Variants in BIRC6 observed in about 807,000 individuals in gnomAD.
BIRC6 encodes the protein baculoviral IAP repeat containing 6, also known as dual E2 ubiquitin-conjugating enzyme/E3 ubiquitin-protein ligase BIRC6.
In BIRC6, 98 loss-of-function variants were observed where a neutral mutation model predicts 503.3. The observed-to-expected ratio is 0.19, with a 90% CI of 0.17 to 0.23. BIRC6 has a LOEUF of 0.23. BIRC6 is among the 10% of genes least tolerant of loss of function. The probability of loss-of-function intolerance (pLI) is 1.00; values close to 1 mark genes in which losing one functional copy is unlikely to be tolerated. For missense variants in BIRC6, 5,360 were observed against 5,806.0 expected (o/e 0.92, Z 2.50); for synonymous variants, 2,240 against 2,078.7 (o/e 1.08, Z -2.11).
rs757194047 is a variant in BIRC6 at position 32,436,078 on chromosome 2, G to A, written c.3525G>A (p.Glu1175=). Residue 1175 remains glutamate (E), a synonymous_variant, in exon 15 of 74, where the codon GAG becomes GAA. Coordinates refer to ENST00000421745, the MANE Select transcript of BIRC6 (RefSeq NM_016252.4). ...GTCTTAGATTATGTCCATTTTTGGA[G>A]GATCATAAAGAAGACATTCTATGTG... is the stretch of plus-strand genomic sequence containing the variant. The part of the protein sequence containing the change: ...SQCLRLCPFL[E]DHKEDILCGP... The A allele has an allele frequency of 1.5e-5, 22 of 1,437,510 alleles. No homozygotes were observed. Among genetic ancestry groups the A allele is most frequent in the Non-Finnish European group, 1.9e-5 (20 of 1,078,370 alleles). 89.0% of individuals were successfully genotyped at this position (1,437,510 alleles called of 1,614,324 possible). A position where few individuals can be genotyped will look rare whatever the true frequency, so the allele number is the denominator to read the frequency against.
chr2:32,476,631 A>G (rs1386958359), intron 34 of BIRC6, among the ~76,000 whole-genome samples: 1 of 152,170 alleles, frequency 6.6e-6, no homozygotes, highest in Non-Finnish European at 1.5e-5. Context: ...AGAGCAGTTT[A>G]TTTCCATTTT....
chr2:32,605,689 C>T (rs1221638769), intron 71 of BIRC6, among the ~76,000 whole-genome samples: 1 of 152,042 alleles, frequency 6.6e-6, no homozygotes, highest in East Asian at 1.9e-4. Flanking sequence ...GATACCCCAT[C>T]TCTACTAAAA....
intron 1 of BIRC6, among the ~76,000 whole-genome samples, chr2:32,370,425 T>C (rs1053403760): frequency 3.3e-5 from 5 of 152,172 alleles, no homozygotes; most frequent in Non-Finnish European, 5.9e-5. Flanking sequence ...TGTGCTTAAG[T>C]AGATGTTGGT....
chr2:32,601,512 C>A (rs146331726), intron 70 of BIRC6, among the ~76,000 whole-genome samples: 1 of 152,004 alleles, frequency 6.6e-6, no homozygotes, highest in African/African-American at 2.4e-5. Context: ...ACCCGGGAGG[C>A]GGAGGTTGCG....
chr2:32,596,821 A>G (rs1559128921), intron 68 of BIRC6, among the ~76,000 whole-genome samples: 1 of 152,180 alleles, frequency 6.6e-6, no homozygotes, highest in Non-Finnish European at 1.5e-5. Flanking sequence ...TTCTTTAACT[A>G]GTTCTTTCAA....
At position 32,595,123 on chromosome 2, in the gene BIRC6, G is replaced by A. The variant is rs747762340; in HGVS notation, c.13591G>A (p.Val4531Ile). ...LKSLEEKYVA[V>I]MKKLQFDTFE... is the part of the protein sequence containing the mutation. ...GTCACTTGAAGAAAAATATGTGGCT[G>A]TTATGAAGAAATTACAGTTTGGTAA... Residue 4531 changes from valine (V) to isoleucine (I), a missense_variant, in exon 68 of 74, where the codon GTT (valine) becomes ATT (isoleucine). Around this residue, in one of 16 missense-constraint regions of BIRC6, gnomAD observed 477 missense variants for 574.4 expected, o/e 0.83. Transcript: ENST00000421745. 7.5e-6 allele frequency: 12 copies of A among 1,590,096 alleles called. No individual in the cohort carries two copies. The highest frequency in any genetic ancestry group is 5.8e-5 in the South Asian group (5 of 85,582).
intron 4 of BIRC6, 138 bp downstream of exon 4, chr2:32,389,081 T>A (rs1296087022): frequency 1.7e-6 from 1 of 587,078 alleles, no homozygotes; most frequent in Non-Finnish European, 2.6e-6. Flanking sequence ...TAAAAAAAAA[T>A]CAATATGAAT....
intron 33 of BIRC6, among the ~76,000 whole-genome samples, chr2:32,475,995 T>G (rs1303904261): frequency 1.3e-5 from 2 of 152,108 alleles, no homozygotes; most frequent in African/African-American, 2.4e-5. Flanking sequence ...TATTTCTTAC[T>G]CCCATGGGTA....
At chr2:32,375,155 A>G (rs760800315) in intron 1 of BIRC6, among the ~76,000 whole-genome samples, 12 of 152,000 alleles carry the variant, frequency 7.9e-5, no homozygotes, top group Non-Finnish European at 1.6e-4. Flanking sequence ...CAGTGCTCGT[A>G]TAGAAAAGTA....
At chr2:32,377,536 A>G (rs1040768048) in intron 1 of BIRC6, 52 bp from the exon 2 acceptor site, 20 of 1,418,420 alleles carry the variant, frequency 1.4e-5, no homozygotes, top group African/African-American at 2.9e-5. Flanking sequence ...TTTATTTTTA[A>G]TAGACCATTG....
rs550972981 is a variant in BIRC6, at chr2:32,436,036, T to C, written c.3500-17T>C. On this transcript the variant is annotated splice_polypyrimidine_tract_variant and intron_variant, in intron 14 of 73. Transcript: ENST00000421745. ...AATGAATGAATTTAAAAGAAAAATATGTATTTTTCTTTTTAGGTCTTAGAT... is the reference window on the plus strand; with the variant it reads ...AATGAATGAATTTAAAAGAAAAATACGTATTTTTCTTTTTAGGTCTTAGAT... The C allele has an allele frequency of 2.3e-6, 3 of 1,320,964 alleles. No homozygotes were observed. The highest frequency in any genetic ancestry group is 1.5e-5 in the African/African-American group (1 of 67,068). 81.8% of individuals were successfully genotyped at this position (1,320,964 alleles called of 1,614,324 possible).
rs187061948 is a variant in BIRC6, at chr2:32,400,081, A to G, written c.1035-1082A>G. Among the ~76,000 whole-genome samples the G allele has an allele frequency of 1.1e-4, 16 of 152,270 alleles. No homozygotes were observed. In the East Asian group the frequency reaches 3.1e-3, roughly 29 times the overall value. ...AGTGCTGGGATTACAGGTGTGAGCC[A>G]CGGTGCCCAGCCTGTATTTTATATT... On this transcript the variant is annotated intron_variant, in intron 6 of 73. Coordinates refer to ENST00000421745, the MANE Select transcript of BIRC6 (RefSeq NM_016252.4).
Position 32,518,778 on chromosome 2 carries a change from A to G in BIRC6, c.11494-39A>G, listed in dbSNP as rs202096312. 9.7e-4 allele frequency: 1,554 copies of G among 1,595,972 alleles called. 1 individual carries two copies. The highest frequency in any genetic ancestry group is 1.5e-3 in the Middle Eastern group (9 of 6,006). On this transcript the variant is annotated intron_variant, in intron 56 of 73. Transcript: ENST00000421745. ...TATTTTATAACAATATGTATTCCAA[A>G]AAGTTACTTCCTGATTTCTTTGATT...
intron 61 of BIRC6, 114 bp from the exon 62 acceptor site, chr2:32,543,127 T>C (rs1344830869): frequency 1.7e-6 from 2 of 1,205,658 alleles, no homozygotes; most frequent in East Asian, 5.1e-5. Flanking sequence ...AGCAAGCAGC[T>C]TTATTAATCC....
intron 3 of BIRC6, among the ~76,000 whole-genome samples, chr2:32,381,245 A>AT (rs1443584975): frequency 6.6e-6 from 1 of 151,428 alleles, no homozygotes; most frequent in Non-Finnish European, 1.5e-5. Context: ...TTTTTCTTTT[A>AT]TTTTTTCTTT....
intron 21 of BIRC6, among the ~76,000 whole-genome samples, chr2:32,448,389 C>G (rs2046314593): frequency 6.7e-6 from 1 of 148,724 alleles, no homozygotes; most frequent in Admixed American, 6.7e-5. Context: ...GAGACTCCGT[C>G]TGCAATCCCG....
rs546226577 is a variant in BIRC6, at chr2:32,594,143, T to G, written c.13501+83T>G. On this transcript the variant is annotated intron_variant, in intron 67 of 73. Transcript: ENST00000421745. ...TTACTGAAACCTGCCTTTGTGTTTT[T>G]GCTTTATGTTAATGATTTTAAAGCA... is the stretch of plus-strand genomic sequence containing the variant. 2.8e-6 allele frequency: 4 copies of G among 1,444,678 alleles called. No individual in the cohort carries two copies. The African/African-American group carries it at 5.7e-5, about 21-fold the overall frequency. The allele number at this position is 1,444,678 out of a possible 1,614,324, so 89.5% of individuals were successfully genotyped here. A position where few individuals can be genotyped will look rare whatever the true frequency, so the allele number is the denominator to read the frequency against.
At chr2:32,605,347 G>A (rs537344074) in intron 71 of BIRC6, among the ~76,000 whole-genome samples, 1 of 152,266 alleles carries the variant, frequency 6.6e-6, no homozygotes, top group African/African-American at 2.4e-5. Context: ...ATAACTGACT[G>A]AGATCTATAA....
Position 32,491,567 on chromosome 2 carries a change from A to G in BIRC6, c.8340+9A>G, listed in dbSNP as rs1180730136. On this transcript the variant is annotated intron_variant, in intron 44 of 73. Transcript: ENST00000421745. ...ATCAACACAGTCCACAGGTAATATG[A>G]TGTTTAGCCTGGCATATGCCCAGAC... 1.2e-6 allele frequency: 2 copies of G among 1,611,698 alleles called. No individual in the cohort carries two copies. The highest frequency in any genetic ancestry group is 2.2e-5 in the East Asian group (1 of 44,850).
Sources: gnomAD v4.1 joint callset for allele counts (sites outside exome capture counted in the v4.1 genomes callset) on GRCh38, gnomAD v4.1.1 for gene constraint, gnomAD v4.1.1 regional missense constraint, MANE v1.5 for transcripts, NCBI Gene and HGNC (gene_info 2026-07-23, HGNC 2026-07-21) for gene names.